Variants in RABGGTB observed in about 807,000 individuals in gnomAD.
RABGGTB encodes geranylgeranyl transferase type-2 subunit beta.
RABGGTB carries 20 observed loss-of-function variants against 44.5 expected under a neutral mutation model. The observed-to-expected ratio is 0.45, with a 90% confidence interval of 0.32 to 0.65. The LOEUF (loss-of-function observed/expected upper bound fraction) is 0.65, where lower values mean the gene tolerates loss of function less well. RABGGTB is among the 30% of genes least tolerant of loss of function. RABGGTB has a pLI of 0.05. For missense variants in RABGGTB, 302 were observed against 398.7 expected (o/e 0.76, Z 2.06); for synonymous variants, 128 against 136.7 (o/e 0.94, Z 0.44).
At chr1:75,789,769 T>A in intron 3 of RABGGTB, 183 bp from the exon 4 acceptor site, 1 of 586,934 alleles carries the variant, frequency 1.7e-6, no homozygotes, top group South Asian at 2.3e-5. Context: ...AATTATACTT[T>A]AAAGATTTGA....
rs751104630 is a variant in RABGGTB at position 75,794,207 on chromosome 1, G to T, written c.829G>T (p.Gly277Ter). The change falls in exon 8 of 9, where the codon GGA becomes TGA. Residue 277 changes from glycine to a stop codon, truncating the protein, a stop_gained. Transcript: ENST00000319942. LOFTEE classifies it high-confidence loss of function. ...ILACQDEETG[G>*]FADRPGDMVD... ...AGCATGTCAAGATGAAGAAACGGGG[G>T]GATTTGCAGACAGGCCAGGAGATAT... The T allele has an allele frequency of 6.2e-7, 1 of 1,613,028 alleles. No homozygotes were observed.
rs749186509 is a variant in RABGGTB at position 75,787,575 on chromosome 1, G to T, written c.82G>T (p.Ala28Ser). 3 of 1,612,866 alleles carry T rather than the reference G, an allele frequency of 1.9e-6. No homozygotes were observed. Among genetic ancestry groups the T allele is most frequent in the Admixed American group, 3.3e-5 (2 of 60,006 alleles). ...ATTGGAGAAACATGCAGATTATATCGCATCCTATGGCTCAAAGAAAGATGA... is the reference window on the plus strand; with the variant it reads ...ATTGGAGAAACATGCAGATTATATCTCATCCTATGGCTCAAAGAAAGATGA... ...LLLEKHADYIASYGSKKDDYE... is the reference protein window; with the variant it reads ...LLLEKHADYISSYGSKKDDYE... The change falls in exon 2 of 9, where the codon GCA becomes TCA. Residue 28 changes from alanine to serine, a missense_variant. Around this residue, in one of 2 missense-constraint regions of RABGGTB, gnomAD observed 89 missense variants for 75.0 expected, o/e 1.19. Transcript: ENST00000319942.
At chr1:75,794,363 G>A (rs1365876766) in intron 8 of RABGGTB, 130 bp downstream of exon 8, 2 of 1,307,784 alleles carry the variant, frequency 1.5e-6, no homozygotes, top group Non-Finnish European at 1.0e-6. Flanking sequence ...TTATTGTAGA[G>A]TGTATGAAGG....
In RABGGTB at chr1:75,794,632, G is replaced by T; in HGVS notation, c.978G>T (p.Gln326His). 6.2e-7 allele frequency: 1 copy of T among 1,609,160 alleles called. No individual in the cohort carries two copies. The highest frequency in any genetic ancestry group is 1.1e-5 in the South Asian group (1 of 90,148). The change falls in exon 9 of 9, where the codon CAG (glutamine) becomes CAT (histidine). Residue 326 changes from glutamine (Q) to histidine (H), a missense_variant. Gln to His is a conservative substitution (Grantham distance 24, BLOSUM62 0). This residue lies in a region of RABGGTB where 213 missense variants were observed against 323.7 expected (regional missense o/e 0.66). Coordinates refer to ENST00000319942, the MANE Select transcript of RABGGTB (RefSeq NM_004582.4). ...PEEVLQRVNV[Q>H]PELVS ...AAGTGCTTCAGAGAGTGAATGTTCA[G>T]CCTGAGCTAGTGAGCTAGATTCATT...
rs1331764043 is a variant in RABGGTB at position 75,787,572 on chromosome 1, A to G, written c.79A>G (p.Ile27Val). Residue 27 changes from isoleucine (I) to valine (V), a missense_variant, in exon 2 of 9, where the codon ATC becomes GTC. By Grantham distance (29) the Ile-to-Val change is conservative. Around this residue, in one of 2 missense-constraint regions of RABGGTB, gnomAD observed 89 missense variants for 75.0 expected, o/e 1.19. Coordinates refer to ENST00000319942, the MANE Select transcript of RABGGTB (RefSeq NM_004582.4). The stretch of plus-strand genomic sequence containing the variant: ...GTTATTGGAGAAACATGCAGATTAT[A>G]TCGCATCCTATGGCTCAAAGAAAGA... ...TLLLEKHADYIASYGSKKDDY... is the reference protein window; with the variant it reads ...TLLLEKHADYVASYGSKKDDY... The G allele has an allele frequency of 3.7e-6, 6 of 1,613,134 alleles. No homozygotes were observed. The highest frequency in any genetic ancestry group is 3.3e-5 in the South Asian group (3 of 91,076).
intron 2 of RABGGTB, chr1:75,787,868 A>G: frequency 1.5e-6 from 1 of 667,462 alleles, no homozygotes; most frequent in Non-Finnish European, 2.8e-6. Context: ...CTCTTTTTGT[A>G]GTTAGGGGTA....
At position 75,791,562 on chromosome 1, in the gene RABGGTB, T is replaced by A. The variant is rs752962520; in HGVS notation, c.570T>A (p.His190Gln). ...GFGCRPGSESHAGQIYCCTGF... is the reference protein window; with the variant it reads ...GFGCRPGSESQAGQIYCCTGF... ...GTTGCAGACCAGGTTCTGAATCCCA[T>A]GCTGGGCAGGTAATTTATGAATACA... Residue 190 changes from histidine (H) to glutamine (Q), a missense_variant, in exon 6 of 9, where the codon CAT becomes CAA. By Grantham distance (24) the His-to-Gln change is conservative. This residue lies in a region of RABGGTB where 213 missense variants were observed against 323.7 expected (regional missense o/e 0.66). Coordinates refer to ENST00000319942, the MANE Select transcript of RABGGTB (RefSeq NM_004582.4). The A allele has an allele frequency of 6.2e-7, 1 of 1,608,628 alleles. No individual in the cohort carries two copies.
intron 3 of RABGGTB, 122 bp from the exon 4 acceptor site, chr1:75,789,830 T>C: frequency 2.9e-6 from 2 of 699,278 alleles, no homozygotes; most frequent in South Asian, 1.7e-5. Context: ...GTCTGCATAT[T>C]TGAGAAAAGG....
intron 8 of RABGGTB, 80 bp downstream of exon 8, chr1:75,794,313 G>A: frequency 6.7e-7 from 1 of 1,481,606 alleles, no homozygotes; most frequent in Non-Finnish European, 9.1e-7. Flanking sequence ...TTCCAGGGTG[G>A]CATTCCGAGT....
intron 1 of RABGGTB, 100 bp from the exon 2 acceptor site, chr1:75,787,397 G>A: frequency 1.1e-6 from 1 of 880,502 alleles, no homozygotes; most frequent in East Asian, 2.5e-5. Flanking sequence ...ATTACAAGAT[G>A]AAATCAAGTG....
chr1:75,791,039 C>A (rs1031054393), intron 4 of RABGGTB, among the ~76,000 whole-genome samples: 2 of 152,174 alleles, frequency 1.3e-5, no homozygotes, highest in Non-Finnish European at 1.5e-5. Flanking sequence ...ATTCTCCCAC[C>A]TCAGCCTCCC....
chr1:75,789,120 G>A lies in RABGGTB; in HGVS notation c.112-39G>A, dbSNP rs769290302. The A allele has an allele frequency of 5.3e-5, 83 of 1,578,686 alleles. No homozygotes were observed. In the Middle Eastern group the frequency reaches 1.0e-3, roughly 19 times the overall value. On this transcript the variant is annotated intron_variant, in intron 2 of 8. Coordinates refer to ENST00000319942, the MANE Select transcript of RABGGTB (RefSeq NM_004582.4). ...TTAATCTCTTTATAACTTGTTACCA[G>A]TTCAAATGACAGATTTAAGAAATTG...
At chr1:75,788,119 A>G in intron 2 of RABGGTB, 1 of 326,088 alleles carries the variant, frequency 3.1e-6, no homozygotes, top group South Asian at 2.6e-5. Context: ...TGTGGGATAT[A>G]TGGTATGTAT....
intron 2 of RABGGTB, 149 bp from the exon 3 acceptor site, chr1:75,789,008 GCA>G (rs1366695954): frequency 1.7e-5 from 11 of 643,484 alleles, no homozygotes; most frequent in Admixed American, 8.8e-5. Context: ...ACATTGAGCA[GCA>G]CAGATTTTAA....
At chr1:75,791,807 A>C in intron 6 of RABGGTB, 1 of 468,754 alleles carries the variant, frequency 2.1e-6, no homozygotes, top group Non-Finnish European at 3.7e-6. Flanking sequence ...TATAAGCACC[A>C]AAACACTTTT....
intron 2 of RABGGTB, 100 bp downstream of exon 2, chr1:75,787,704 A>G (rs1649533963): frequency 1.1e-6 from 1 of 941,220 alleles, no homozygotes; most frequent in African/African-American, 1.6e-5. Flanking sequence ...ATCCAACTCC[A>G]TGCAGAGAAC....
In RABGGTB at chr1:75,786,267, T is replaced by C. The variant is rs1557478403; in HGVS notation, c.-5T>C. The C allele has an allele frequency of 6.2e-7, 1 of 1,614,172 alleles. No individual in the cohort carries two copies. Among genetic ancestry groups the C allele is most frequent in the Non-Finnish European group, 8.5e-7 (1 of 1,180,014 alleles). ...TGACCCTGCTCTCTCCTTTCCCTGTTAGACATGGTAAGTGTGAGTTTAGCG... is the reference window on the plus strand; with the variant it reads ...TGACCCTGCTCTCTCCTTTCCCTGTCAGACATGGTAAGTGTGAGTTTAGCG... On this transcript the variant is annotated 5_prime_UTR_variant, in exon 1 of 9. Transcript: ENST00000319942.
In RABGGTB at chr1:75,789,988, G is replaced by A. The variant is rs969619008; in HGVS notation, c.346G>A (p.Val116Ile). ...GTATGACAGTATTAATGTTATTGAC[G>A]TAAATAAAGTTGTGGAATATGTTAA... ...TLYDSINVID[V>I]NKVVEYVKGL... The change falls in exon 4 of 9, where the codon GTA becomes ATA. Residue 116 changes from valine (V) to isoleucine (I), a missense_variant. Physicochemically the swap from Val to Ile is conservative, Grantham distance 29. Around this residue, in one of 2 missense-constraint regions of RABGGTB, gnomAD observed 213 missense variants for 323.7 expected, o/e 0.66. Coordinates refer to ENST00000319942, the MANE Select transcript of RABGGTB (RefSeq NM_004582.4). The A allele has an allele frequency of 5.0e-6, 8 of 1,611,578 alleles. No individual in the cohort carries two copies. The highest frequency in any genetic ancestry group is 2.7e-5 in the African/African-American group (2 of 74,940).
chr1:75,791,850 TAA>T lies in RABGGTB; in HGVS notation c.579+289_579+290del, dbSNP rs5775307. ...ATTAATTTTTCACTAACCATACAGA[TAA>T]AAAAAAAAACAACACATTTTTCTTT... On this transcript the variant is annotated intron_variant, in intron 6 of 8. Coordinates refer to ENST00000319942, the MANE Select transcript of RABGGTB (RefSeq NM_004582.4). 9.6e-3 allele frequency: 2,699 copies of T among 282,574 alleles called. 20 individuals are homozygous for T. Among genetic ancestry groups the T allele is most frequent in the African/African-American group, 0.035 (1,596 of 45,168 alleles). The allele number at this position is 282,574 out of a possible 1,614,324, so 17.5% of individuals were successfully genotyped here.
Sources: gnomAD v4.1 joint callset for allele counts (sites outside exome capture counted in the v4.1 genomes callset) on GRCh38, gnomAD v4.1.1 for gene constraint, gnomAD v4.1.1 regional missense constraint, MANE v1.5 for transcripts, NCBI Gene and HGNC (gene_info 2026-07-23, HGNC 2026-07-21) for gene names.